The following FAM53B variants were observed in gnomAD, a reference collection of about 807,000 sequenced individuals.
FAM53B encodes family with sequence similarity 53 member B.
Under a neutral mutation model 32.7 loss-of-function variants are expected in FAM53B, and 12 were observed. The observed-to-expected ratio is 0.37, with a 90% CI of 0.24 to 0.59. FAM53B has a LOEUF of 0.59. Ranked by LOEUF, FAM53B falls within the 20% of genes least tolerant of loss-of-function variation. The pLI, the probability that FAM53B is intolerant of heterozygous loss-of-function variation, is 0.72. For synonymous variants in FAM53B, 234 were observed against 228.7 expected (o/e 1.02, Z -0.21); for missense variants, 477 against 577.7 (o/e 0.83, Z 1.79).
At chr10:124,646,267 T>C (rs146554245) in intron 4 of FAM53B, among the ~76,000 whole-genome samples, 82 of 152,368 alleles carry the variant, frequency 5.4e-4, no homozygotes, top group Middle Eastern at 3.4e-3. Context: ...TGCAGCTCGC[T>C]TTCTTTAGGC....
intron 1 of FAM53B, among the ~76,000 whole-genome samples, chr10:124,729,908 G>A (rs1354327715): frequency 1.3e-5 from 2 of 152,172 alleles, no homozygotes; most frequent in Non-Finnish European, 2.9e-5. Context: ...TCTGCCCCTA[G>A]TTAGCTTCCA....
At chr10:124,741,192 C>T (rs1222931772) in intron 1 of FAM53B, among the ~76,000 whole-genome samples, 1 of 152,184 alleles carries the variant, frequency 6.6e-6, no homozygotes, top group East Asian at 1.9e-4. Flanking sequence ...ATTATGCCTG[C>T]AGGTTTCTTT....
chr10:124,624,237 A>T (rs1473241530), intron 4 of FAM53B, among the ~76,000 whole-genome samples: 1 of 152,194 alleles, frequency 6.6e-6, no homozygotes, highest in East Asian at 1.9e-4. Context: ...CCCACTCTCC[A>T]CAACCAGAGC....
At chr10:124,626,548 T>C (rs771963535) in intron 4 of FAM53B, among the ~76,000 whole-genome samples, 2 of 152,108 alleles carry the variant, frequency 1.3e-5, no homozygotes, top group South Asian at 2.1e-4. Context: ...AAGTGCCAAC[T>C]ATGAAGAGCA....
chr10:124,623,711 T>A, intron 4 of FAM53B, 107 bp from the exon 5 acceptor site: 1 of 1,335,296 alleles, frequency 7.5e-7, no homozygotes, highest in Non-Finnish European at 1.0e-6. Flanking sequence ...GCAAGACCAA[T>A]CAAGTCCCGG....
chr10:124,700,624 A>T (rs1439696831), intron 2 of FAM53B, among the ~76,000 whole-genome samples: 2 of 152,224 alleles, frequency 1.3e-5, no homozygotes, highest in African/African-American at 4.8e-5. Context: ...AAAAGCTGGA[A>T]ATCAAATGGA....
chr10:124,690,750 T>C (rs1170360752), intron 3 of FAM53B, among the ~76,000 whole-genome samples: 1 of 152,184 alleles, frequency 6.6e-6, no homozygotes, highest in African/African-American at 2.4e-5. Context: ...ATCACACATA[T>C]GACCATAATA....
intron 1 of FAM53B, among the ~76,000 whole-genome samples, chr10:124,727,479 C>T (rs904984250): frequency 6.6e-6 from 1 of 151,956 alleles, no homozygotes; most frequent in Non-Finnish European, 1.5e-5. Context: ...TATTAGTGCC[C>T]GGAGTACTGG....
intron 4 of FAM53B, among the ~76,000 whole-genome samples, chr10:124,660,515 C>A (rs1265819989): frequency 6.6e-6 from 1 of 152,268 alleles, no homozygotes; most frequent in Non-Finnish European, 1.5e-5. Context: ...TTTCCCACAG[C>A]CCCCTCGCCA....
chr10:124,655,569 C>T (rs1477576446), intron 4 of FAM53B, among the ~76,000 whole-genome samples: 1 of 152,152 alleles, frequency 6.6e-6, no homozygotes, highest in Non-Finnish European at 1.5e-5. Flanking sequence ...AGCGTGGCCA[C>T]TCCAGGTAAC....
At chr10:124,678,796 C>T (rs532899465) in intron 4 of FAM53B, among the ~76,000 whole-genome samples, 1 of 152,352 alleles carries the variant, frequency 6.6e-6, no homozygotes, top group Non-Finnish European at 1.5e-5. Flanking sequence ...TCCCTGGACC[C>T]TTTCCTGCTG....
chr10:124,643,683 C>T (rs1232228788), intron 4 of FAM53B, among the ~76,000 whole-genome samples: 11 of 152,248 alleles, frequency 7.2e-5, no homozygotes, highest in Non-Finnish European at 1.6e-4. Flanking sequence ...GCTGCATTCA[C>T]GGCCCGGAGC....
chr10:124,623,639 TA>T, intron 4 of FAM53B, 35 bp from the exon 5 acceptor site: 1 of 1,584,606 alleles, frequency 6.3e-7, no homozygotes. Flanking sequence ...TACTAAGGGT[TA>T]CTCCCCTCCC....
intron 3 of FAM53B, among the ~76,000 whole-genome samples, chr10:124,692,485 C>T (rs1481974630): frequency 1.3e-5 from 2 of 151,948 alleles, no homozygotes; most frequent in Non-Finnish European, 2.9e-5. Context: ...GAGGCTGAGG[C>T]GGGTGGATCA....
At chr10:124,671,391 G>A (rs1237177503) in intron 4 of FAM53B, among the ~76,000 whole-genome samples, 1 of 152,224 alleles carries the variant, frequency 6.6e-6, no homozygotes, top group Non-Finnish European at 1.5e-5. Flanking sequence ...GCTTCCTGTA[G>A]CTGCTTCTGC....
chr10:124,623,915 C>T (rs1405729096), intron 4 of FAM53B: 5 of 321,390 alleles, frequency 1.6e-5, no homozygotes, highest in Non-Finnish European at 2.9e-5. Flanking sequence ...CCTAACACTT[C>T]GTCCACAGCC....
At chr10:124,628,435 G>C (rs1949369398) in intron 4 of FAM53B, among the ~76,000 whole-genome samples, 1 of 152,200 alleles carries the variant, frequency 6.6e-6, no homozygotes, top group African/African-American at 2.4e-5. Flanking sequence ...CACTGAACCT[G>C]GAGGGTTCCG....
chr10:124,626,398 CCCCCA>C (rs1564860586), intron 4 of FAM53B, among the ~76,000 whole-genome samples: 1 of 146,904 alleles, frequency 6.8e-6, no homozygotes. Flanking sequence ...GCCCCCCCCC[CCCCCA>C]CCATTCCTCA....
At chr10:124,624,684 C>T (rs1183004895) in intron 4 of FAM53B, among the ~76,000 whole-genome samples, 1 of 152,120 alleles carries the variant, frequency 6.6e-6, no homozygotes, top group African/African-American at 2.4e-5. Flanking sequence ...TTCAAGGGTA[C>T]GCAGGCCAGT....
Sources: allele counts gnomAD v4.1 joint callset (sites outside exome capture counted in the v4.1 genomes callset), GRCh38; gene constraint gnomAD v4.1.1; transcripts MANE v1.5; gene names NCBI Gene and HGNC (gene_info 2026-07-23, HGNC 2026-07-21).